IFT43: variants seen among roughly 807,000 people sequenced by gnomAD.
The protein encoded by IFT43 is intraflagellar transport 43.
A neutral mutation model predicts 32.3 loss-of-function variants in IFT43; 33 were observed. The observed-to-expected ratio is 1.02, with a 90% CI of 0.77 to 1.37. The LOEUF is 1.37. Among genes scored for constraint, IFT43 ranks in the 40% most tolerant of loss-of-function variants. IFT43 has a pLI of 0.00. For synonymous variants in IFT43, 93 were observed against 98.2 expected, an observed-to-expected ratio of 0.95 and a Z score of 0.31; for missense variants, 274 against 265.9, an observed-to-expected ratio of 1.03 and a Z score of -0.21.
intron 2 of IFT43, among the ~76,000 whole-genome samples, chr14:75,997,589 T>C (rs1340400915): frequency 1.3e-5 from 2 of 152,250 alleles, no homozygotes; most frequent in Admixed American, 1.3e-4. Context: ...AATAGACCAC[T>C]GGCTGTGTTC....
At chr14:76,009,541 C>T (rs1161591643) in intron 2 of IFT43, among the ~76,000 whole-genome samples, 1 of 152,168 alleles carries the variant, frequency 6.6e-6, no homozygotes, top group East Asian at 1.9e-4. Flanking sequence ...TTGTCTCTGT[C>T]TCCTTCATTT....
At chr14:76,014,666 CCTT>C (rs1335977193) in intron 2 of IFT43, among the ~76,000 whole-genome samples, 4 of 152,188 alleles carry the variant, frequency 2.6e-5, no homozygotes, top group Admixed American at 2.0e-4. Flanking sequence ...CTTGACCTCT[CCTT>C]CTCCTCAGCA....
chr14:75,999,269 A>G lies in IFT43; in HGVS notation c.147+10292A>G, dbSNP rs1410154051. 8.7e-4 allele frequency among the ~76,000 whole-genome samples: 21 copies of G among 24,234 alleles called. No homozygotes were observed. In the East Asian group the frequency reaches 0.015, roughly 18 times the overall value. 15.9% of individuals were successfully genotyped at this position (24,234 alleles called of 152,430 possible). A position where few individuals can be genotyped will look rare whatever the true frequency, so the allele number is the denominator to read the frequency against. On this transcript the variant is annotated intron_variant, in intron 2 of 8. Transcript: ENST00000314067. ...TATATATATATATATATATATATAT[A>G]TATGTATATATATTTTTTTTTTTTT...
chr14:76,006,341 G>T (rs79259478), intron 2 of IFT43, among the ~76,000 whole-genome samples: 1 of 152,210 alleles, frequency 6.6e-6, no homozygotes, highest in African/African-American at 2.4e-5. Flanking sequence ...TATGGATTAA[G>T]TGACTGTTCC....
chr14:76,045,518 A>G (rs2036789993), intron 3 of IFT43, among the ~76,000 whole-genome samples: 1 of 152,228 alleles, frequency 6.6e-6, no homozygotes, highest in South Asian at 2.1e-4. Flanking sequence ...CTTAAACAGA[A>G]AGGAGTTTGT....
intron 2 of IFT43, among the ~76,000 whole-genome samples, chr14:76,009,816 A>T (rs1653686161): frequency 6.8e-6 from 1 of 147,888 alleles, no homozygotes; most frequent in Non-Finnish European, 1.5e-5. Context: ...TTTTTTTGAG[A>T]CAGAGTCTTG....
At chr14:76,046,701 T>C (rs1025217658) in intron 3 of IFT43, among the ~76,000 whole-genome samples, 4 of 152,226 alleles carry the variant, frequency 2.6e-5, no homozygotes, top group Non-Finnish European at 4.4e-5. Context: ...ACTTGATTCT[T>C]AGAACAACTT....
intron 1 of IFT43, among the ~76,000 whole-genome samples, chr14:75,987,630 A>G (rs1348585327): frequency 6.6e-6 from 1 of 152,232 alleles, no homozygotes; most frequent in Non-Finnish European, 1.5e-5. Context: ...GCCACATTAA[A>G]TGAGATCTAA....
At chr14:76,043,301 G>C (rs778798536) in intron 3 of IFT43, among the ~76,000 whole-genome samples, 1 of 152,206 alleles carries the variant, frequency 6.6e-6, no homozygotes, top group African/African-American at 2.4e-5. Flanking sequence ...ACCACCACAG[G>C]GTTTAGGATG....
At chr14:76,052,137 T>TC (rs1594847734) in intron 3 of IFT43, among the ~76,000 whole-genome samples, 1 of 151,848 alleles carries the variant, frequency 6.6e-6, no homozygotes, top group Non-Finnish European at 1.5e-5. Flanking sequence ...CAAGGACGCT[T>TC]CCCCCCATTT....
At chr14:76,058,100 T>C (rs2037056729) in intron 3 of IFT43, 1 of 181,352 alleles carries the variant, frequency 5.5e-6, no homozygotes, top group Admixed American at 5.5e-5. Context: ...ACCACTACCA[T>C]AGATACGCGT....
At chr14:76,039,235 C>A (rs1015534517) in intron 3 of IFT43, among the ~76,000 whole-genome samples, 1 of 152,010 alleles carries the variant, frequency 6.6e-6, no homozygotes, top group African/African-American at 2.4e-5. Flanking sequence ...TGAGCTCAAG[C>A]TGTCCTCCGG....
At chr14:76,055,230 C>T (rs1432584769) in intron 3 of IFT43, among the ~76,000 whole-genome samples, 1 of 151,756 alleles carries the variant, frequency 6.6e-6, no homozygotes, top group East Asian at 1.9e-4. Flanking sequence ...CTTGTAGTCC[C>T]AGCTACTCAG....
intron 3 of IFT43, among the ~76,000 whole-genome samples, chr14:76,047,515 G>A (rs368965685): frequency 1.3e-5 from 2 of 152,280 alleles, no homozygotes; most frequent in East Asian, 1.9e-4. Flanking sequence ...GTATAAAGGG[G>A]GAAGTAACAT....
intron 3 of IFT43, among the ~76,000 whole-genome samples, chr14:76,049,427 A>G (rs935516696): frequency 6.7e-6 from 1 of 148,996 alleles, no homozygotes; most frequent in African/African-American, 2.5e-5. Flanking sequence ...TGTCTAGCTA[A>G]TAAAGTTTGT....
intron 3 of IFT43, among the ~76,000 whole-genome samples, chr14:76,057,717 GC>G (rs1275359147): frequency 1.3e-5 from 2 of 152,064 alleles, no homozygotes; most frequent in Non-Finnish European, 2.9e-5. Context: ...GCCGCCCTTT[GC>G]CCCCATCCTT....
intron 3 of IFT43, among the ~76,000 whole-genome samples, chr14:76,048,977 G>A (rs1029273894): frequency 6.6e-6 from 1 of 152,152 alleles, no homozygotes; most frequent in Non-Finnish European, 1.5e-5. Context: ...GGAAATCACA[G>A]AATGTAAAAG....
chr14:76,067,167 T>C lies in IFT43; in HGVS notation c.295+7794T>C, dbSNP rs577305823. 4.3e-4 allele frequency among the ~76,000 whole-genome samples: 65 copies of C among 152,332 alleles called. No homozygotes were observed. The South Asian group carries it at 6.8e-3, about 16-fold the overall frequency. On this transcript the variant is annotated intron_variant, in intron 5 of 8. Transcript: ENST00000314067. ...GTGGTACATGTTGCTTATTCTTTCCTTGGGAAGATGCATGCTCTCTTCCAG... is the reference window on the plus strand; with the variant it reads ...GTGGTACATGTTGCTTATTCTTTCCCTGGGAAGATGCATGCTCTCTTCCAG...
intron 3 of IFT43, among the ~76,000 whole-genome samples, chr14:76,057,264 A>C (rs760058339): frequency 6.6e-5 from 10 of 151,614 alleles, no homozygotes; most frequent in Non-Finnish European, 1.3e-4. Context: ...ACGGAGTCTC[A>C]CTCTGTTGCT....
Sources: gnomAD v4.1 joint callset for allele counts (sites outside exome capture counted in the v4.1 genomes callset) on GRCh38, gnomAD v4.1.1 for gene constraint, MANE v1.5 for transcripts, NCBI Gene and HGNC (gene_info 2026-07-23, HGNC 2026-07-21) for gene names.